Variants in SGCZ observed in about 807,000 individuals in gnomAD.
SGCZ encodes the protein sarcoglycan zeta, also known as zeta-sarcoglycan.
A neutral mutation model predicts 41.3 loss-of-function variants in SGCZ; 40 were observed. That is an observed-to-expected ratio of 0.97 (90% CI 0.75 to 1.26). The LOEUF (loss-of-function observed/expected upper bound fraction) is 1.26, where lower values mean the gene tolerates loss of function less well. Among genes scored for constraint, SGCZ ranks in the 50% most tolerant of loss-of-function variants. The pLI is 0.00. For synonymous variants in SGCZ, 206 were observed against 137.5 expected, an observed-to-expected ratio of 1.50 and a Z score of -3.49; for missense variants, 552 against 369.8, an observed-to-expected ratio of 1.49 and a Z score of -4.04.
At chr8:14,934,937 T>G (rs1044621007) in intron 1 of SGCZ, among the ~76,000 whole-genome samples, 6 of 147,876 alleles carry the variant, frequency 4.1e-5, no homozygotes, top group African/African-American at 1.5e-4. Context: ...AAAAAAATAA[T>G]CCTTCAAAGC....
chr8:15,161,128 T>C (rs1352733922), intron 1 of SGCZ, among the ~76,000 whole-genome samples: 2 of 152,036 alleles, frequency 1.3e-5, no homozygotes, highest in Non-Finnish European at 2.9e-5. Context: ...CTCTCTCACC[T>C]CCTACCATTC....
At chr8:14,685,873 G>C (rs1384756230) in intron 1 of SGCZ, among the ~76,000 whole-genome samples, 1 of 152,066 alleles carries the variant, frequency 6.6e-6, no homozygotes, top group African/African-American at 2.4e-5. Context: ...CTGAACTAAA[G>C]AGCATTCATC....
intron 1 of SGCZ, among the ~76,000 whole-genome samples, chr8:15,048,997 A>G (rs1804415816): frequency 6.6e-6 from 1 of 152,158 alleles, no homozygotes; most frequent in Admixed American, 6.6e-5. Context: ...ATAGTTTTCT[A>G]AGTTTTCCTC....
At chr8:14,406,525 A>C (rs377189621) in intron 2 of SGCZ, among the ~76,000 whole-genome samples, 10 of 152,296 alleles carry the variant, frequency 6.6e-5, no homozygotes, top group East Asian at 3.9e-4. Context: ...AACATTGTTG[A>C]ATGAATGTAA....
At chr8:14,382,813 A>G (rs992287399) in intron 2 of SGCZ, among the ~76,000 whole-genome samples, 16 of 152,190 alleles carry the variant, frequency 1.1e-4, no homozygotes, top group African/African-American at 3.9e-4. Context: ...AGGAGTAACC[A>G]GTGGTCTTTG....
chr8:14,455,126 GGT>G (rs1800705298), intron 2 of SGCZ, among the ~76,000 whole-genome samples: 1 of 152,030 alleles, frequency 6.6e-6, no homozygotes, highest in Non-Finnish European at 1.5e-5. Flanking sequence ...CATATACCAT[GGT>G]TGAAGGGCTA....
intron 2 of SGCZ, among the ~76,000 whole-genome samples, chr8:14,414,609 A>AGG (rs1799446948): frequency 6.6e-6 from 1 of 152,008 alleles, no homozygotes; most frequent in African/African-American, 2.4e-5. Flanking sequence ...TAGCTGAGAA[A>AGG]ATGTGTGATA....
rs1214175369 is a variant in SGCZ at position 14,479,727 on chromosome 8, ACTTCTTTTTTTTTTT to A, written c.234+74990_234+75004del. ...CCAGGTCGCATACCTCCAGAATTCT[ACTTCTTTTTTTTTTT>A]TTTTTTTTTTTTTTTTTTTATTTGA... On this transcript the variant is annotated intron_variant, in intron 2 of 7. Coordinates refer to ENST00000382080, the MANE Select transcript of SGCZ (RefSeq NM_139167.4). Among the ~76,000 whole-genome samples, 245 of 109,346 alleles carry A rather than the reference ACTTCTTTTTTTTTTT, an allele frequency of 2.2e-3. 14 individuals are homozygous for A. Among genetic ancestry groups the A allele is most frequent in the Middle Eastern group, 0.017 (4 of 234 alleles). The allele number at this position is 109,346 out of a possible 152,430, so 71.7% of individuals were successfully genotyped here.
intron 2 of SGCZ, among the ~76,000 whole-genome samples, chr8:14,329,972 C>A (rs1802256457): frequency 6.6e-6 from 1 of 152,060 alleles, no homozygotes; most frequent in African/African-American, 2.4e-5. Context: ...TTGATCCATG[C>A]ATTCTAGCTG....
chr8:14,817,703 C>A (rs1357542792), intron 1 of SGCZ, among the ~76,000 whole-genome samples: 1 of 152,190 alleles, frequency 6.6e-6, no homozygotes, highest in Non-Finnish European at 1.5e-5. Flanking sequence ...CAGGGAACAA[C>A]TGCACTTGCA....
chr8:14,944,741 G>A (rs779437508), intron 1 of SGCZ, among the ~76,000 whole-genome samples: 24 of 152,118 alleles, frequency 1.6e-4, no homozygotes, highest in Admixed American at 2.6e-4. Flanking sequence ...TTTGCAATCT[G>A]AAAGTGCGTC....
Position 15,026,541 on chromosome 8 carries a change from A to G in SGCZ, c.39+211044T>C, listed in dbSNP as rs1803463063. ...CAAAAATGCATTGATTCCCATTTTTATGTATTGTCAACGCTGTAATCCCAG... is the reference window on the plus strand; with the variant it reads ...CAAAAATGCATTGATTCCCATTTTTGTGTATTGTCAACGCTGTAATCCCAG... On this transcript the variant is annotated intron_variant, in intron 1 of 7. Transcript: ENST00000382080. Among the ~76,000 whole-genome samples the G allele has an allele frequency of 2.0e-5, 3 of 152,214 alleles. No homozygotes were observed. The South Asian group carries it at 6.2e-4, about 32-fold the overall frequency.
At chr8:15,187,004 A>G (rs1032970717) in intron 1 of SGCZ, among the ~76,000 whole-genome samples, 3 of 152,156 alleles carry the variant, frequency 2.0e-5, no homozygotes, top group Non-Finnish European at 4.4e-5. Flanking sequence ...AGTAGAAATC[A>G]CCCTAACTCA....
intron 2 of SGCZ, among the ~76,000 whole-genome samples, chr8:14,368,876 C>T (rs536165692): frequency 6.6e-6 from 1 of 151,934 alleles, no homozygotes; most frequent in South Asian, 2.1e-4. Context: ...GGAAATCAAA[C>T]ACCATAGAAA....
chr8:14,287,775 T>C (rs1243478696), intron 3 of SGCZ, among the ~76,000 whole-genome samples: 3 of 152,124 alleles, frequency 2.0e-5, no homozygotes, highest in Non-Finnish European at 2.9e-5. Context: ...AGAGGTGTAC[T>C]TCACAGGCTA....
At chr8:14,138,310 G>A (rs1320818659) in intron 5 of SGCZ, among the ~76,000 whole-genome samples, 1 of 152,124 alleles carries the variant, frequency 6.6e-6, no homozygotes, top group African/African-American at 2.4e-5. Flanking sequence ...ATAATGACAG[G>A]ATCAAATTCA....
At chr8:15,104,979 G>C (rs185879337) in intron 1 of SGCZ, among the ~76,000 whole-genome samples, 172 of 152,242 alleles carry the variant, frequency 1.1e-3, no homozygotes, top group African/African-American at 3.9e-3. Flanking sequence ...CAAAGGGTTT[G>C]TATAACTCTT....
intron 1 of SGCZ, among the ~76,000 whole-genome samples, chr8:15,020,302 C>A (rs1489364625): frequency 6.6e-6 from 1 of 152,160 alleles, no homozygotes; most frequent in East Asian, 1.9e-4. Flanking sequence ...CACACTTTAT[C>A]TCTGACTCAT....
intron 1 of SGCZ, among the ~76,000 whole-genome samples, chr8:15,158,440 G>C (rs10503538): frequency 0.079 from 12,065 of 152,114 alleles, 495 homozygotes; most frequent in African/African-American, 0.091. Flanking sequence ...TGTAACTTTT[G>C]ATATATACTT....
Sources: gnomAD v4.1 joint callset for allele counts (sites outside exome capture counted in the v4.1 genomes callset) on GRCh38, gnomAD v4.1.1 for gene constraint, MANE v1.5 for transcripts, NCBI Gene and HGNC (gene_info 2026-07-23, HGNC 2026-07-21) for gene names.